VPS13B: variants seen among roughly 807,000 people sequenced by gnomAD.
The protein encoded by VPS13B is intermembrane lipid transfer protein VPS13B.
Under a neutral mutation model 426.4 loss-of-function variants are expected in VPS13B, and 285 were observed. The observed-to-expected ratio is 0.67, with a 90% CI of 0.61 to 0.74. The LOEUF is 0.74. VPS13B is among the 30% of genes least tolerant of loss of function. The pLI, the probability that VPS13B is intolerant of heterozygous loss-of-function variation, is 0.00. For synonymous variants in VPS13B, 1,676 were observed against 1,676.4 expected, an observed-to-expected ratio of 1.00 and a Z score of 0.01; for missense variants, 4,537 against 4,782.6, an observed-to-expected ratio of 0.95 and a Z score of 1.51.
chr8:99,791,581 A>G (rs1176826334), intron 43 of VPS13B, among the ~76,000 whole-genome samples: 1 of 152,120 alleles, frequency 6.6e-6, no homozygotes, highest in Non-Finnish European at 1.5e-5. Flanking sequence ...AACAGAGACT[A>G]CTATGGTCAC....
At chr8:99,173,855 A>G (rs936038636) in intron 16 of VPS13B, among the ~76,000 whole-genome samples, 1 of 152,238 alleles carries the variant, frequency 6.6e-6, no homozygotes, top group Non-Finnish European at 1.5e-5. Context: ...CAGTGCCTCA[A>G]TTTGATCCTC....
intron 21 of VPS13B, among the ~76,000 whole-genome samples, chr8:99,418,530 CTTTCTTTTCTTTTCT>C (rs146177891): frequency 8.8e-6 from 1 of 114,002 alleles, no homozygotes; most frequent in African/African-American, 3.3e-5. Context: ...CTTTCTTTCT[CTTTCTTTTCTTTTCT>C]TTTCTTTTCT....
intron 59 of VPS13B, among the ~76,000 whole-genome samples, chr8:99,869,285 T>A (rs766747373): frequency 4.6e-5 from 7 of 152,220 alleles, no homozygotes; most frequent in Non-Finnish European, 1.0e-4. Flanking sequence ...GCACACTGTG[T>A]CTGCATCCGC....
intron 51 of VPS13B, among the ~76,000 whole-genome samples, chr8:99,830,453 C>G (rs1431407409): frequency 6.6e-6 from 1 of 152,180 alleles, no homozygotes; most frequent in East Asian, 1.9e-4. Context: ...CCTCCTCCCA[C>G]CAAGCTGGAG....
intron 33 of VPS13B, among the ~76,000 whole-genome samples, chr8:99,590,458 C>G (rs138615426): frequency 0.041 from 6,308 of 152,136 alleles, 144 homozygotes; most frequent in East Asian, 0.06. Context: ...TTCCTGATTT[C>G]TCTTGTGGGC....
At chr8:99,103,824 CA>C (rs1171464407) in intron 5 of VPS13B, among the ~76,000 whole-genome samples, 1 of 151,962 alleles carries the variant, frequency 6.6e-6, no homozygotes, top group East Asian at 1.9e-4. Flanking sequence ...TTTGTAGAGA[CA>C]AGGTTTTGCC....
At chr8:99,164,109 C>G (rs1387217442) in intron 15 of VPS13B, among the ~76,000 whole-genome samples, 1 of 152,152 alleles carries the variant, frequency 6.6e-6, no homozygotes, top group African/African-American at 2.4e-5. Flanking sequence ...GGGGAAGTGC[C>G]AGTGGGTCGG....
intron 33 of VPS13B, among the ~76,000 whole-genome samples, chr8:99,638,206 A>T (rs1185575094): frequency 6.6e-6 from 1 of 152,134 alleles, no homozygotes; most frequent in Non-Finnish European, 1.5e-5. Flanking sequence ...TGTGATAAGC[A>T]CTATAGTATG....
chr8:99,621,919 C>A (rs1027730385), intron 33 of VPS13B, among the ~76,000 whole-genome samples: 1 of 150,128 alleles, frequency 6.7e-6, no homozygotes, highest in Non-Finnish European at 1.5e-5. Flanking sequence ...CTGCAACCTC[C>A]GCCTCCCAGG....
intron 54 of VPS13B, among the ~76,000 whole-genome samples, chr8:99,841,208 T>C (rs2130881726): frequency 6.6e-6 from 1 of 152,352 alleles, no homozygotes. Context: ...TCTTCCTTTC[T>C]TCTCTTGGAT....
intron 16 of VPS13B, among the ~76,000 whole-genome samples, chr8:99,187,688 G>C (rs536920613): frequency 1.8e-4 from 27 of 152,284 alleles, no homozygotes; most frequent in African/African-American, 6.5e-4. Flanking sequence ...AGATGGGTAG[G>C]CCGGGTGCAG....
chr8:99,026,093 G>T (rs568269887), intron 2 of VPS13B, among the ~76,000 whole-genome samples: 1 of 152,078 alleles, frequency 6.6e-6, no homozygotes, highest in East Asian at 1.9e-4. Context: ...TGCATTGTTA[G>T]GTTGTTTATT....
chr8:99,279,010 A>G (rs1006583949), intron 19 of VPS13B, among the ~76,000 whole-genome samples: 1 of 152,146 alleles, frequency 6.6e-6, no homozygotes, highest in Non-Finnish European at 1.5e-5. Flanking sequence ...ACATAGAGAA[A>G]TAGATGCTTC....
intron 31 of VPS13B, among the ~76,000 whole-genome samples, chr8:99,571,403 T>C (rs914474509): frequency 6.6e-6 from 1 of 152,140 alleles, no homozygotes; most frequent in Non-Finnish European, 1.5e-5. Flanking sequence ...ACCTCAAATA[T>C]TTACCAGAGA....
chr8:99,638,363 A>G (rs1444386223), intron 33 of VPS13B, among the ~76,000 whole-genome samples: 1 of 152,182 alleles, frequency 6.6e-6, no homozygotes, highest in Non-Finnish European at 1.5e-5. Flanking sequence ...TTATAATGTT[A>G]GCTTATGTAA....
intron 5 of VPS13B, among the ~76,000 whole-genome samples, chr8:99,106,431 C>T (rs1847048551): frequency 1.2e-5 from 1 of 85,544 alleles, no homozygotes; most frequent in Non-Finnish European, 2.4e-5. Flanking sequence ...TGAGACTCCA[C>T]CTCAAAAAAA....
chr8:99,330,505 C>T (rs1473436070), intron 19 of VPS13B, among the ~76,000 whole-genome samples: 1 of 151,772 alleles, frequency 6.6e-6, no homozygotes, highest in Admixed American at 6.6e-5. Flanking sequence ...AAAGCTCATG[C>T]ATTATTCCTT....
At chr8:99,309,359 T>G (rs1314766758) in intron 19 of VPS13B, among the ~76,000 whole-genome samples, 2 of 152,214 alleles carry the variant, frequency 1.3e-5, no homozygotes, top group Non-Finnish European at 2.9e-5. Flanking sequence ...AATTTTTGTA[T>G]AAGGTGTAAG....
At position 99,086,638 on chromosome 8, in the gene VPS13B, G is replaced by T. The variant is rs566595078; in HGVS notation, c.292-9674G>T. Among the ~76,000 whole-genome samples, 4 of 152,184 alleles carry T rather than the reference G, an allele frequency of 2.6e-5. No individual in the cohort carries two copies. The East Asian group carries it at 5.8e-4, about 22-fold the overall frequency. On this transcript the variant is annotated intron_variant, in intron 3 of 61. Coordinates refer to ENST00000357162, the MANE Select transcript of VPS13B (RefSeq NM_152564.5). ...ATGGTGATGTACAGATGGGGTTTTG[G>T]TGTGGATGTTCTTTCTGTTTGTTAG...
Sources: allele counts gnomAD v4.1 joint callset (sites outside exome capture counted in the v4.1 genomes callset), GRCh38; gene constraint gnomAD v4.1.1; transcripts MANE v1.5; gene names NCBI Gene and HGNC (gene_info 2026-07-23, HGNC 2026-07-21).